The following APBB1 variants were observed in gnomAD, a reference collection of about 807,000 sequenced individuals.
APBB1 encodes adaptor protein FE65a2.
In APBB1, 22 loss-of-function variants were observed where a neutral mutation model predicts 78.4. That is an observed-to-expected ratio of 0.28 (90% CI 0.20 to 0.40). APBB1 has a LOEUF of 0.40. Ranked by LOEUF, APBB1 falls within the 10% of genes least tolerant of loss-of-function variation. The pLI is 1.00. For synonymous variants in APBB1, 369 were observed against 372.7 expected, an observed-to-expected ratio of 0.99 and a Z score of 0.12; for missense variants, 749 against 932.4, an observed-to-expected ratio of 0.80 and a Z score of 2.56.
intron 1 of APBB1, among the ~76,000 whole-genome samples, chr11:6,416,444 G>T (rs1324290515): frequency 6.6e-6 from 1 of 152,092 alleles, no homozygotes; most frequent in Non-Finnish European, 1.5e-5. Flanking sequence ...CTCCAGACAA[G>T]TACATTCAAC....
chr11:6,407,798 A>C (rs1417653739), intron 2 of APBB1, among the ~76,000 whole-genome samples: 1 of 139,902 alleles, frequency 7.1e-6, no homozygotes, highest in African/African-American at 2.8e-5. Context: ...TTTGAGACGG[A>C]GTCTCGCTCT....
rs1848934249 is a variant in APBB1 at position 6,410,644 on chromosome 11, C to A, written c.704G>T (p.Gly235Val). ...CAAGGTACCTGTGTCCTCTGGGGAGCCATAGGAGGGGCTGCCCTGGGATAA... is the reference window on the plus strand; with the variant it reads ...CAAGGTACCTGTGTCCTCTGGGGAGACATAGGAGGGGCTGCCCTGGGATAA... ...ATLSQGSPSY[G>V]SPEDTDSFWN... Residue 235 changes from glycine to valine, a missense_variant, in exon 2 of 15, where the codon GGC becomes GTC. Physicochemically the swap from Gly to Val is moderately radical, Grantham distance 109. This residue lies in a region of APBB1 where 635 missense variants were observed against 765.0 expected (regional missense o/e 0.83). Transcript: ENST00000609360. 6.6e-7 allele frequency: 1 copy of A among 1,517,460 alleles called. No homozygotes were observed. The highest frequency in any genetic ancestry group is 2.3e-5 in the Admixed American group (1 of 44,202). 94.0% of individuals were successfully genotyped at this position (1,517,460 alleles called of 1,614,324 possible).
intron 2 of APBB1, 22 bp downstream of exon 2, chr11:6,410,605 C>A (rs749726942): frequency 2.0e-6 from 3 of 1,507,334 alleles, no homozygotes; most frequent in South Asian, 2.7e-5. Context: ...CCCACATGCC[C>A]ATGTCAAGCT....
intron 12 of APBB1, among the ~76,000 whole-genome samples, chr11:6,396,815 C>T (rs1241233249): frequency 1.3e-5 from 2 of 152,156 alleles, no homozygotes; most frequent in Non-Finnish European, 1.5e-5. Flanking sequence ...TGAGCTCAGG[C>T]AGTCTGATTC....
rs1309962787 is a variant in APBB1 at position 6,410,898 on chromosome 11, C to T, written c.450G>A (p.Glu150=). The T allele has an allele frequency of 6.2e-7, 1 of 1,614,046 alleles. No individual in the cohort carries two copies. The highest frequency in any genetic ancestry group is 8.5e-7 in the Non-Finnish European group (1 of 1,180,040). The change falls in exon 2 of 15, where the codon GAG becomes GAA. Residue 150 remains glutamate (E), a synonymous_variant. Transcript: ENST00000609360. ...STQEQGPDEG[E]EKAAGEAEEE... is the part of the protein sequence containing the mutation. ...CCTCGGCCTCCCCGGCCGCCTTCTCCTCTCCCTCATCTGGCCCCTGCTCTT... is the reference window on the plus strand; with the variant it reads ...CCTCGGCCTCCCCGGCCGCCTTCTCTTCTCCCTCATCTGGCCCCTGCTCTT...
chr11:6,416,096 A>G (rs1173422360), intron 1 of APBB1, among the ~76,000 whole-genome samples: 1 of 152,124 alleles, frequency 6.6e-6, no homozygotes, highest in Admixed American at 6.6e-5. Context: ...ATTCAATCCA[A>G]CAGACACAGT....
intron 12 of APBB1, among the ~76,000 whole-genome samples, chr11:6,396,942 AAGAGCCAAGGAACCCAAGGTTC>A (rs1473060158): frequency 3.9e-5 from 6 of 152,216 alleles, no homozygotes; most frequent in Non-Finnish European, 8.8e-5. Context: ...TAATGTGCTC[AAGAGCCAAGGAACCCAAGGTTC>A]CTGACTTTCA....
chr11:6,411,462 G>A lies in APBB1; in HGVS notation c.-14-101C>T. 9.4e-7 allele frequency: 1 copy of A among 1,061,160 alleles called. No homozygotes were observed. Among genetic ancestry groups the A allele is most frequent in the Non-Finnish European group, 1.3e-6 (1 of 743,832 alleles). The allele number at this position is 1,061,160 out of a possible 1,614,324, so 65.7% of individuals were successfully genotyped here. On this transcript the variant is annotated intron_variant, in intron 1 of 14. Coordinates refer to ENST00000609360, the MANE Select transcript of APBB1 (RefSeq NM_001164.5). The surrounding 1 kb of genome is among the most constrained non-coding windows in gnomAD (Gnocchi z 5.2). ...ATGCCCTGTGCCTCCTCATCTCCCTGCACTAAGCAGGCTAGCACCCATGGC... is the reference window on the plus strand; with the variant it reads ...ATGCCCTGTGCCTCCTCATCTCCCTACACTAAGCAGGCTAGCACCCATGGC...
chr11:6,401,981 C>T lies in APBB1; in HGVS notation c.1384G>A (p.Glu462Lys), dbSNP rs184502560. 17 of 1,569,554 alleles carry T rather than the reference C, an allele frequency of 1.1e-5. No homozygotes were observed. The Admixed American group carries it at 2.2e-4, about 21-fold the overall frequency. Reference protein sequence around the residue: ...VWGVGRDSGRERDFAYVARDK... With the variant: ...VWGVGRDSGRKRDFAYVARDK... ...GGGGGAAAATAGGCATAGTACCTCTCTCTGGGTCCAGCAGCACAAGAGAGG... is the reference window on the plus strand; with the variant it reads ...GGGGGAAAATAGGCATAGTACCTCTTTCTGGGTCCAGCAGCACAAGAGAGG... Residue 462 changes from glutamate (E) to lysine (K), a missense_variant and splice_region_variant, in exon 9 of 15, where the codon GAG becomes AAG. Physicochemically the swap from Glu to Lys is moderately conservative, Grantham distance 56. Around this residue, in one of 3 missense-constraint regions of APBB1, gnomAD observed 635 missense variants for 765.0 expected, o/e 0.83. Transcript: ENST00000609360. The surrounding 1 kb of genome is among the most constrained non-coding windows in gnomAD (Gnocchi z 4.5).
intron 2 of APBB1, chr11:6,405,543 C>G: frequency 2.0e-6 from 2 of 986,010 alleles, no homozygotes; most frequent in Non-Finnish European, 2.4e-6. Context: ...AGTCCCAAGA[C>G]CCTGCTGCTG....
intron 1 of APBB1, among the ~76,000 whole-genome samples, chr11:6,414,331 C>A (rs946210203): frequency 1.1e-4 from 16 of 152,312 alleles, no homozygotes; most frequent in African/African-American, 3.6e-4. Flanking sequence ...CTTTCCTGTT[C>A]TCTCCCCACC....
At chr11:6,402,307 G>A in intron 7 of APBB1, 98 bp from the exon 8 acceptor site, 1 of 1,537,966 alleles carries the variant, frequency 6.5e-7, no homozygotes, top group Admixed American at 1.8e-5. Context: ...CAGCTCTGGG[G>A]CCCCTGCTTT....
In APBB1 at chr11:6,412,729, C is replaced by T. The variant is rs556598507; in HGVS notation, c.-14-1368G>A. On this transcript the variant is annotated intron_variant, in intron 1 of 14. Transcript: ENST00000609360. ...TAGTCCTGGCACAGAGCAGGAACTC[C>T]ATTAATATTTGCTGAATGAATGTAT... 3.1e-4 allele frequency among the ~76,000 whole-genome samples: 47 copies of T among 152,316 alleles called. No homozygotes were observed. In the South Asian group the frequency reaches 3.3e-3, roughly 11 times the overall value.
chr11:6,408,806 T>C lies in APBB1; in HGVS notation c.721+1821A>G, dbSNP rs533321573. ...GGCATAAGCCACCATGCCCAGCCAA[T>C]GTTTGTGTTTTTTGTAGAGACAGGG... is the stretch of plus-strand genomic sequence containing the variant. On this transcript the variant is annotated intron_variant, in intron 2 of 14. Transcript: ENST00000609360. Among the ~76,000 whole-genome samples, 3 of 152,176 alleles carry C rather than the reference T, an allele frequency of 2.0e-5. No individual in the cohort carries two copies. The South Asian group carries it at 6.2e-4, about 32-fold the overall frequency.
At position 6,410,659 on chromosome 11, in the gene APBB1, C is replaced by T; in HGVS notation, c.689G>A (p.Gly230Asp). 9.2e-6 allele frequency: 14 copies of T among 1,518,652 alleles called. No individual in the cohort carries two copies. The highest frequency in any genetic ancestry group is 1.2e-5 in the Non-Finnish European group (14 of 1,134,528). The allele number at this position is 1,518,652 out of a possible 1,614,324, so 94.1% of individuals were successfully genotyped here. A position where few individuals can be genotyped will look rare whatever the true frequency, so the allele number is the denominator to read the frequency against. ...CTCTGGGGAGCCATAGGAGGGGCTG[C>T]CCTGGGATAAGGTAGCCCAGCTTGA... ...EDSSWATLSQGSPSYGSPEDT... is the reference protein window; with the variant it reads ...EDSSWATLSQDSPSYGSPEDT... Residue 230 changes from glycine to aspartate, a missense_variant, in exon 2 of 15, where the codon GGC (glycine) becomes GAC (aspartate). Gly to Asp is a moderately conservative substitution (Grantham distance 94, BLOSUM62 -1). This residue lies in a region of APBB1 where 635 missense variants were observed against 765.0 expected (regional missense o/e 0.83). Coordinates refer to ENST00000609360, the MANE Select transcript of APBB1 (RefSeq NM_001164.5).
intron 1 of APBB1, among the ~76,000 whole-genome samples, chr11:6,413,235 G>A (rs17820573): frequency 0.062 from 9,422 of 151,654 alleles, 326 homozygotes; most frequent in South Asian, 0.1. Context: ...CTCCTCCCTC[G>A]ATGGCCTCAC....
Position 6,419,053 on chromosome 11 carries a change from G to C in APBB1, c.-83C>G. On this transcript the variant is annotated 5_prime_UTR_variant, in exon 1 of 15. Coordinates refer to ENST00000609360, the MANE Select transcript of APBB1 (RefSeq NM_001164.5). ...GCTGCGGGGTTCGGGCTCCGCCGCG[G>C]CTTCTCCATCACAACATCCCCCGCC... 1 of 391,880 alleles carries C rather than the reference G, an allele frequency of 2.6e-6. No homozygotes were observed. Among genetic ancestry groups the C allele is most frequent in the Non-Finnish European group, 4.5e-6 (1 of 221,648 alleles). 24.3% of individuals were successfully genotyped at this position (391,880 alleles called of 1,614,324 possible). A position where few individuals can be genotyped will look rare whatever the true frequency, so the allele number is the denominator to read the frequency against.
At chr11:6,417,498 C>T (rs997575449) in intron 1 of APBB1, among the ~76,000 whole-genome samples, 1 of 152,196 alleles carries the variant, frequency 6.6e-6, no homozygotes, top group Non-Finnish European at 1.5e-5. Context: ...CAGGACATAA[C>T]ACAGTGCCTG....
In APBB1 at chr11:6,411,333, T is replaced by C. The variant is rs1848960500; in HGVS notation, c.15A>G (p.Ser5=). 1.9e-6 allele frequency: 3 copies of C among 1,544,302 alleles called. No homozygotes were observed. Among genetic ancestry groups the C allele is most frequent in the African/African-American group, 1.4e-5 (1 of 72,852 alleles). Residue 5 remains serine (S), a synonymous_variant, in exon 2 of 15, where the codon TCA becomes TCG. Coordinates refer to ENST00000609360, the MANE Select transcript of APBB1 (RefSeq NM_001164.5). This position sits in a 1 kb window ranked among gnomAD's most constrained non-coding sequence, Gnocchi z 5.2. ...CATTAATGGCCGACTGGCTCAGTGA[T>C]GATGGAACAGACATGGCCTTGGCAG... MSVP[S]SLSQSAINAN...
Sources: allele counts gnomAD v4.1 joint callset (sites outside exome capture counted in the v4.1 genomes callset), GRCh38; gene constraint gnomAD v4.1.1; regional missense constraint gnomAD v4.1.1; non-coding constraint Gnocchi (gnomAD v3.1); transcripts MANE v1.5; gene names NCBI Gene and HGNC (gene_info 2026-07-23, HGNC 2026-07-21).